Variants in TBXAS1 observed in about 807,000 individuals in gnomAD.
TBXAS1 encodes thromboxane A synthase 1.
A neutral mutation model predicts 60.7 loss-of-function variants in TBXAS1; 48 were observed. The ratio of observed to expected loss-of-function variants is 0.79; its 90% CI spans 0.63 to 1.01. The LOEUF is 1.01. Ranked by LOEUF, TBXAS1 falls within the 50% of genes least tolerant of loss-of-function variation. The pLI is 0.00. For synonymous variants in TBXAS1, 287 were observed against 269.7 expected, an observed-to-expected ratio of 1.06 and a Z score of -0.63; for missense variants, 685 against 686.3, an observed-to-expected ratio of 1.00 and a Z score of 0.02.
chr7:139,826,228 G>A (rs1198457220), upstream of TBXAS1, among the ~76,000 whole-genome samples: 1 of 152,148 alleles, frequency 6.6e-6, no homozygotes, highest in Non-Finnish European at 1.5e-5. Flanking sequence ...TGTTTTGTGA[G>A]AGAGAATGGG....
chr7:139,792,446 A>G (rs766392158), intron 4 of TBXAS1, among the ~76,000 whole-genome samples: 1 of 152,142 alleles, frequency 6.6e-6, no homozygotes, highest in Non-Finnish European at 1.5e-5. Context: ...ACTTGTCTTT[A>G]TTCTCTCTGC....
At chr7:139,949,517 T>C (rs1233712825) in intron 5 of TBXAS1, among the ~76,000 whole-genome samples, 1 of 152,194 alleles carries the variant, frequency 6.6e-6, no homozygotes, top group Non-Finnish European at 1.5e-5. Context: ...ACTTTTCCAA[T>C]GTTAAGGGTA....
chr7:139,817,591 A>G (rs1331512315), intron 4 of TBXAS1, among the ~76,000 whole-genome samples: 1 of 152,232 alleles, frequency 6.6e-6, no homozygotes, highest in African/African-American at 2.4e-5. Context: ...CAGAGGACGC[A>G]GCTTTAGTAA....
At chr7:139,863,289 T>C (rs1342624773) in intron 1 of TBXAS1, among the ~76,000 whole-genome samples, 26 of 152,248 alleles carry the variant, frequency 1.7e-4, no homozygotes, top group Admixed American at 1.7e-3. Context: ...GCAATGACTA[T>C]GTCTTTGTGG....
chr7:139,798,833 TGTGA>T (rs983895594), intron 4 of TBXAS1, among the ~76,000 whole-genome samples: 4 of 152,220 alleles, frequency 2.6e-5, no homozygotes, highest in African/African-American at 9.6e-5. Context: ...TGATTCCGTG[TGTGA>T]AAGATTGAAT....
intron 8 of TBXAS1, among the ~76,000 whole-genome samples, chr7:139,959,104 A>C (rs1350825846): frequency 1.3e-5 from 2 of 152,080 alleles, no homozygotes; most frequent in South Asian, 4.1e-4. Context: ...ATGACTTACT[A>C]AGAGGTGAGA....
At chr7:139,846,203 C>G (rs1232608256) in intron 1 of TBXAS1, among the ~76,000 whole-genome samples, 1 of 152,176 alleles carries the variant, frequency 6.6e-6, no homozygotes, top group Non-Finnish European at 1.5e-5. Flanking sequence ...AAACTACTCC[C>G]GAGCACTTCG....
intron 12 of TBXAS1, among the ~76,000 whole-genome samples, chr7:140,018,153 T>A (rs1815252056): frequency 2.0e-5 from 3 of 152,222 alleles, no homozygotes; most frequent in Admixed American, 1.3e-4. Context: ...GGACCTCACC[T>A]TGCTGTAGCT....
chr7:139,947,688 G>GT (rs1426431758), intron 5 of TBXAS1, among the ~76,000 whole-genome samples: 23 of 152,170 alleles, frequency 1.5e-4, no homozygotes, highest in Non-Finnish European at 1.5e-5. Flanking sequence ...GTTACCACTG[G>GT]TTGCCAGACA....
At chr7:139,915,144 G>T (rs1161545049) in intron 4 of TBXAS1, among the ~76,000 whole-genome samples, 4 of 152,130 alleles carry the variant, frequency 2.6e-5, no homozygotes, top group African/African-American at 9.7e-5. Context: ...ATTCCATATC[G>T]ATGGTAAAAC....
In TBXAS1 at chr7:139,916,065, C is replaced by T. The variant is rs770761628; in HGVS notation, c.333+4744C>T. Among the ~76,000 whole-genome samples, 21 of 152,258 alleles carry T rather than the reference C, an allele frequency of 1.4e-4. No individual in the cohort carries two copies. Among genetic ancestry groups the T allele is most frequent in the Admixed American group, 2.6e-4 (4 of 15,306 alleles). ...TCAGTCGTCCTGGTACATCAGGACT[C>T]GGATGTTTCTATTTAGATATTTTCA... On this transcript the variant is annotated intron_variant, in intron 4 of 12. Coordinates refer to ENST00000448866, the MANE Select transcript of TBXAS1 (RefSeq NM_001061.7). This position sits in a 1 kb window ranked among gnomAD's most constrained non-coding sequence, Gnocchi z 4.2.
At chr7:139,805,687 TTTC>T (rs1797836229) in intron 4 of TBXAS1, among the ~76,000 whole-genome samples, 1 of 33,422 alleles carries the variant, frequency 3.0e-5, no homozygotes, top group Non-Finnish European at 5.4e-5. Context: ...TCTTTCTTTC[TTTC>T]TTTCTTTCTT....
At chr7:139,818,316 C>T (rs1229869439) in intron 4 of TBXAS1, among the ~76,000 whole-genome samples, 1 of 152,152 alleles carries the variant, frequency 6.6e-6, no homozygotes, top group Admixed American at 6.5e-5. Flanking sequence ...AGGTACAAGT[C>T]AGACTGGGGT....
intron 1 of TBXAS1, among the ~76,000 whole-genome samples, chr7:139,836,719 T>C (rs1799091859): frequency 6.6e-6 from 1 of 152,180 alleles, no homozygotes; most frequent in Non-Finnish European, 1.5e-5. Context: ...ATTCTAGGTA[T>C]AACACTGTAA....
intron 4 of TBXAS1, among the ~76,000 whole-genome samples, chr7:139,815,812 G>C (rs1447438383): frequency 6.6e-6 from 1 of 152,176 alleles, no homozygotes; most frequent in African/African-American, 2.4e-5. Context: ...CCAGTGACCA[G>C]GAAAGCAGTA....
At chr7:139,985,639 T>G (rs1812396797) in intron 9 of TBXAS1, among the ~76,000 whole-genome samples, 1 of 152,232 alleles carries the variant, frequency 6.6e-6, no homozygotes, top group African/African-American at 2.4e-5. Context: ...TGGTGACCAA[T>G]TTCTTATTTT....
At chr7:139,988,417 T>A (rs1812657597) in intron 9 of TBXAS1, among the ~76,000 whole-genome samples, 1 of 152,156 alleles carries the variant, frequency 6.6e-6, no homozygotes, top group Admixed American at 6.5e-5. Context: ...CCTGGCCCCA[T>A]GGACATTTGG....
At chr7:139,812,574 CT>C (rs1388406192) in intron 4 of TBXAS1, among the ~76,000 whole-genome samples, 1 of 152,132 alleles carries the variant, frequency 6.6e-6, no homozygotes, top group African/African-American at 2.4e-5. Context: ...AGACAGTACT[CT>C]TCTTAGAGAC....
chr7:139,965,394 C>T (rs1035111344), intron 9 of TBXAS1, among the ~76,000 whole-genome samples: 6 of 152,130 alleles, frequency 3.9e-5, no homozygotes, highest in Non-Finnish European at 5.9e-5. Context: ...TCAGGGGTTC[C>T]GATTCCATAA....
Sources: gnomAD v4.1 joint callset for allele counts (sites outside exome capture counted in the v4.1 genomes callset) on GRCh38, gnomAD v4.1.1 for gene constraint, Gnocchi (gnomAD v3.1) non-coding constraint, MANE v1.5 for transcripts, NCBI Gene and HGNC (gene_info 2026-07-23, HGNC 2026-07-21) for gene names.